The following PRKAR1A variants were observed in gnomAD, a reference collection of about 807,000 sequenced individuals.
PRKAR1A encodes the protein protein kinase cAMP-dependent type I regulatory subunit alpha, also known as cAMP-dependent protein kinase type I-alpha regulatory subunit.
A neutral mutation model predicts 52.0 loss-of-function variants in PRKAR1A; 3 were observed. The observed-to-expected ratio is 0.06, with a 90% CI of 0.03 to 0.15. PRKAR1A has a LOEUF of 0.15. PRKAR1A is among the 10% of genes least tolerant of loss of function. The pLI, the probability that PRKAR1A is intolerant of heterozygous loss-of-function variation, is 1.00. For missense variants in PRKAR1A, 240 were observed against 477.4 expected (o/e 0.50, Z 4.63); for synonymous variants, 188 against 168.4 (o/e 1.12, Z -0.90).
At chr17:68,433,301 A>G in the PRKAR1A span, among the ~76,000 whole-genome samples, 1 of 152,260 alleles carries the variant, frequency 6.6e-6, no homozygotes, top group Non-Finnish European at 1.5e-5. Flanking sequence ...GCTTTTGTGC[A>G]TCATGCCTCC....
rs771518581 is a variant in PRKAR1A, at chr17:68,515,450, A to T, written c.51A>T (p.Glu17Asp). Reference protein sequence around the residue: ...AASEEARSLRECELYVQKHNI... With the variant: ...AASEEARSLRDCELYVQKHNI... Reference sequence around the variant, plus strand: ...GTGAGGAGGCACGCAGCCTTCGAGAATGTGAGCTCTACGTCCAGAAGCATA... The same window carrying T: ...GTGAGGAGGCACGCAGCCTTCGAGATTGTGAGCTCTACGTCCAGAAGCATA... The change falls in exon 2 of 11, where the codon GAA becomes GAT. Residue 17 changes from glutamate to aspartate, a missense_variant. Physicochemically the swap from Glu to Asp is conservative, Grantham distance 45 (BLOSUM62 2). Around this residue, in one of 4 missense-constraint regions of PRKAR1A, gnomAD observed 107 missense variants for 114.6 expected, o/e 0.93. Transcript: ENST00000589228. 18 of 1,613,562 alleles carry T rather than the reference A, an allele frequency of 1.1e-5. No homozygotes were observed. The highest frequency in any genetic ancestry group is 1.4e-5 in the Non-Finnish European group (17 of 1,180,054).
chr17:68,490,691 G>A, the PRKAR1A span, among the ~76,000 whole-genome samples: 1 of 152,090 alleles, frequency 6.6e-6, no homozygotes, highest in East Asian at 1.9e-4. Flanking sequence ...TTACCCATCT[G>A]TGAAGAGAGA....
At position 68,523,988 on chromosome 17, in the gene PRKAR1A, G is replaced by A. The variant is rs189652935; in HGVS notation, c.441-28G>A. 55 of 1,612,718 alleles carry A rather than the reference G, an allele frequency of 3.4e-5. No individual in the cohort carries two copies. The Admixed American group carries it at 7.8e-4, about 23-fold the overall frequency. On this transcript the variant is annotated intron_variant, in intron 4 of 10. Coordinates refer to ENST00000589228, the MANE Select transcript of PRKAR1A (RefSeq NM_002734.5). ...AATTCACGGAAGAGACATGTGAAAT[G>A]TAACACGAGGCCTTCTCTCTTTTGC...
chr17:68,449,463 T>G, the PRKAR1A span, among the ~76,000 whole-genome samples: 1 of 152,146 alleles, frequency 6.6e-6, no homozygotes, highest in East Asian at 1.9e-4. Flanking sequence ...TGTAATATGA[T>G]TCAGATCAGT....
chr17:68,522,382 T>C lies in PRKAR1A; in HGVS notation c.178-374T>C, dbSNP rs117325328. 6.7e-3 allele frequency among the ~76,000 whole-genome samples: 1,026 copies of C among 152,314 alleles called. 6 individuals carry two copies. The highest frequency in any genetic ancestry group is 0.01 in the Middle Eastern group (3 of 294). On this transcript the variant is annotated intron_variant, in intron 2 of 10. Coordinates refer to ENST00000589228, the MANE Select transcript of PRKAR1A (RefSeq NM_002734.5). ...GGGTCTCTTGCTATCTGCAGTAGCA[T>C]CCAAAAAAACCCAATTTTCAGGATT...
chr17:68,414,637 T>C, the PRKAR1A span, among the ~76,000 whole-genome samples: 7 of 152,186 alleles, frequency 4.6e-5, no homozygotes, highest in African/African-American at 1.7e-4. Flanking sequence ...GGAATTCTGC[T>C]GTGGATCCAT....
chr17:68,487,875 G>C, the PRKAR1A span, among the ~76,000 whole-genome samples: 1 of 151,168 alleles, frequency 6.6e-6, no homozygotes, highest in African/African-American at 2.4e-5. Flanking sequence ...CTTTGTGCCA[G>C]ATAGTGTTCT....
chr17:68,450,382 G>C, the PRKAR1A span, among the ~76,000 whole-genome samples: 1 of 152,142 alleles, frequency 6.6e-6, no homozygotes, highest in African/African-American at 2.4e-5. Flanking sequence ...CAGAAGAGTC[G>C]CTCCTCTGAT....
upstream of PRKAR1A, among the ~76,000 whole-genome samples, chr17:68,508,369 A>G (rs999454822): frequency 2.6e-5 from 4 of 152,230 alleles, no homozygotes; most frequent in African/African-American, 9.6e-5. Flanking sequence ...GAATCAAATC[A>G]TGTCTTTCGC....
chr17:68,425,561 C>T, the PRKAR1A span, among the ~76,000 whole-genome samples: 1 of 151,846 alleles, frequency 6.6e-6, no homozygotes. Flanking sequence ...TGGGGAGGTG[C>T]GGGTCTGCCG....
At chr17:68,509,122 A>G (rs189900857), upstream of PRKAR1A, among the ~76,000 whole-genome samples, 1 of 151,750 alleles carries the variant, frequency 6.6e-6, no homozygotes, top group East Asian at 1.9e-4. Flanking sequence ...CTTATCACTC[A>G]TGTTTATTTT....
At chr17:68,499,405 AG>A in the PRKAR1A span, among the ~76,000 whole-genome samples, 1 of 147,234 alleles carries the variant, frequency 6.8e-6, no homozygotes, top group Admixed American at 6.7e-5. Flanking sequence ...AGAGAGAGAG[AG>A]GAGGGATATA....
intron 1 of PRKAR1A, 130 bp downstream of exon 1, chr17:68,512,678 C>G (rs1238458322): frequency 1.3e-5 from 2 of 152,248 alleles, no homozygotes; most frequent in African/African-American, 4.8e-5. Context: ...ACCCCCTGCC[C>G]CTCCCCGGCC....
the PRKAR1A span, among the ~76,000 whole-genome samples, chr17:68,443,489 A>G: frequency 6.6e-6 from 1 of 152,218 alleles, no homozygotes; most frequent in Non-Finnish European, 1.5e-5. Flanking sequence ...AGGGCCATTT[A>G]TAGAATTGGA....
the PRKAR1A span, chr17:68,457,495 A>G: frequency 1.6e-6 from 2 of 1,268,160 alleles, no homozygotes; most frequent in African/African-American, 1.7e-5. Context: ...CGCCGGCTCC[A>G]CGGGCCGGGT....
chr17:68,428,850 C>G, the PRKAR1A span: 3 of 1,613,954 alleles, frequency 1.9e-6, no homozygotes, highest in Non-Finnish European at 2.5e-6. Context: ...GATTAAGACA[C>G]ACTCTCCTCC....
At chr17:68,492,473 G>A in the PRKAR1A span, among the ~76,000 whole-genome samples, 2 of 152,166 alleles carry the variant, frequency 1.3e-5, no homozygotes, top group Non-Finnish European at 2.9e-5. Context: ...TGACTGAGAG[G>A]AATTGTTTTG....
intron 11 of PRKAR1A, chr17:68,543,872 T>C (rs1190060353): frequency 1.4e-6 from 1 of 725,420 alleles, no homozygotes; most frequent in South Asian, 1.5e-5. Context: ...AGGAATGGCC[T>C]GTGGCTCCCT....
chr17:68,428,877 T>C, the PRKAR1A span: 6 of 1,614,120 alleles, frequency 3.7e-6, no homozygotes, highest in African/African-American at 2.7e-5. Flanking sequence ...AGGATCCAAA[T>C]TGTACATATA....
Sources: allele counts gnomAD v4.1 joint callset (sites outside exome capture counted in the v4.1 genomes callset), GRCh38; gene constraint gnomAD v4.1.1; regional missense constraint gnomAD v4.1.1; transcripts MANE v1.5; gene names NCBI Gene and HGNC (gene_info 2026-07-23, HGNC 2026-07-21).